TMEM63B: variants seen among roughly 807,000 people sequenced by gnomAD.
TMEM63B encodes transmembrane protein 63B.
A neutral mutation model predicts 102.6 loss-of-function variants in TMEM63B; 23 were observed. That is an observed-to-expected ratio of 0.22 (90% CI 0.16 to 0.32). The LOEUF is 0.32. Among genes scored for constraint, TMEM63B ranks in the 10% least tolerant of loss-of-function variants. The probability of loss-of-function intolerance (pLI) is 1.00; values close to 1 mark genes in which losing one functional copy is unlikely to be tolerated. For synonymous variants in TMEM63B, 444 were observed against 437.0 expected (o/e 1.02, Z -0.20); for missense variants, 628 against 1,095.9 (o/e 0.57, Z 6.03).
chr6:44,153,464 T>C (rs528389633), intron 20 of TMEM63B, among the ~76,000 whole-genome samples: 1 of 152,312 alleles, frequency 6.6e-6, no homozygotes, highest in South Asian at 2.1e-4. Flanking sequence ...ATAGTAGAAT[T>C]CCTGATGAGG....
At position 44,148,446 on chromosome 6, in the gene TMEM63B, C is replaced by T; in HGVS notation, c.1121+61C>T. On this transcript the variant is annotated intron_variant, in intron 13 of 23. Coordinates refer to ENST00000323267, the MANE Select transcript of TMEM63B (RefSeq NM_018426.3). The surrounding 1 kb of genome is among the most constrained non-coding windows in gnomAD (Gnocchi z 5.1). ...CCTCCAGGGCTCCCTGACCCCTGTG[C>T]TCATGGCCTTCTGCCAGCAGTGTGG... 1 of 1,612,840 alleles carries T rather than the reference C, an allele frequency of 6.2e-7. No homozygotes were observed. The highest frequency in any genetic ancestry group is 8.5e-7 in the Non-Finnish European group (1 of 1,179,086).
rs1765532583 is a variant in TMEM63B, at chr6:44,146,907, A to G, written c.843A>G (p.Leu281=). The change falls in exon 11 of 24, where the codon CTA becomes CTG. Residue 281 remains leucine, a synonymous_variant. Transcript: ENST00000323267. ...GCCCGTGTTACAACGTGGCTCGCCT[A>G]ATGTTCCTCGATGCAGAGAGGTAAG... The part of the protein sequence containing the change: ...EARPCYNVAR[L]MFLDAERKKA... The G allele has an allele frequency of 1.2e-6, 2 of 1,613,958 alleles. No homozygotes were observed. Among genetic ancestry groups the G allele is most frequent in the African/African-American group, 1.3e-5 (1 of 74,926 alleles).
At chr6:44,131,226 T>C (rs1178093970) in intron 1 of TMEM63B, among the ~76,000 whole-genome samples, 1 of 152,034 alleles carries the variant, frequency 6.6e-6, no homozygotes, top group Admixed American at 6.6e-5. Context: ...CACCTACTAC[T>C]ACTTTTATGC....
At chr6:44,145,253 C>T (rs1169662291) in intron 10 of TMEM63B, among the ~76,000 whole-genome samples, 2 of 138,782 alleles carry the variant, frequency 1.4e-5, no homozygotes, top group Non-Finnish European at 3.0e-5. Flanking sequence ...CCAGCCTGGG[C>T]GACAGAGCAA....
intron 1 of TMEM63B, chr6:44,132,386 G>A: frequency 2.2e-6 from 2 of 927,668 alleles, no homozygotes; most frequent in Non-Finnish European, 2.6e-6. Flanking sequence ...TCTTTGGTGT[G>A]GAGAAGACAG....
chr6:44,148,146 G>A lies in TMEM63B; in HGVS notation c.988-106G>A, dbSNP rs1765817028. ...TCCAAAAAAAAAAAAATGCTTAGAGGAGCAGTGCCTGGCTTGTAGGAAGCC... is the reference window on the plus strand; with the variant it reads ...TCCAAAAAAAAAAAAATGCTTAGAGAAGCAGTGCCTGGCTTGTAGGAAGCC... On this transcript the variant is annotated intron_variant, in intron 12 of 23. Coordinates refer to ENST00000323267, the MANE Select transcript of TMEM63B (RefSeq NM_018426.3). The surrounding 1 kb of genome is among the most constrained non-coding windows in gnomAD (Gnocchi z 5.1). The A allele has an allele frequency of 1.3e-6, 2 of 1,514,248 alleles. No homozygotes were observed. Among genetic ancestry groups the A allele is most frequent in the Non-Finnish European group, 1.8e-6 (2 of 1,127,742 alleles). 93.8% of individuals were successfully genotyped at this position (1,514,248 alleles called of 1,614,324 possible). A position where few individuals can be genotyped will look rare whatever the true frequency, so the allele number is the denominator to read the frequency against.
chr6:44,149,693 G>GCC (rs1353064386), intron 15 of TMEM63B, among the ~76,000 whole-genome samples, 166 bp from the exon 16 acceptor site: 1 of 152,134 alleles, frequency 6.6e-6, no homozygotes, highest in Non-Finnish European at 1.5e-5. Flanking sequence ...TATACATATG[G>GCC]CCCTGGCCCC....
At chr6:44,129,978 CTG>C (rs1562110785) in intron 1 of TMEM63B, among the ~76,000 whole-genome samples, 1 of 152,190 alleles carries the variant, frequency 6.6e-6, no homozygotes, top group Non-Finnish European at 1.5e-5. Flanking sequence ...ATCCTAGAGT[CTG>C]TGCTTTTAAC....
rs544151136 is a variant in TMEM63B at position 44,154,527 on chromosome 6, G to T, written c.2307+82G>T. 3.2e-5 allele frequency: 51 copies of T among 1,574,002 alleles called. No homozygotes were observed. In the Admixed American group the frequency reaches 3.6e-4, roughly 11 times the overall value. On this transcript the variant is annotated intron_variant, in intron 23 of 23. Transcript: ENST00000323267. ...TGTTCCCTTAGTCCTGCAGAAAGGGGAACCTGTGCCAGACCCCATGGGGGC... is the reference window on the plus strand; with the variant it reads ...TGTTCCCTTAGTCCTGCAGAAAGGGTAACCTGTGCCAGACCCCATGGGGGC...
intron 1 of TMEM63B, among the ~76,000 whole-genome samples, chr6:44,132,723 GCTC>G (rs58475301): frequency 0.33 from 49,509 of 151,702 alleles, 8,798 homozygotes; most frequent in East Asian, 0.5. Flanking sequence ...CAGTCACCTA[GCTC>G]CTCCTGGACA....
At chr6:44,143,304 A>T (rs1281241698) in intron 10 of TMEM63B, among the ~76,000 whole-genome samples, 1 of 152,264 alleles carries the variant, frequency 6.6e-6, no homozygotes, top group Admixed American at 6.5e-5. Flanking sequence ...AAACAAGCCC[A>T]GCCCTTATAC....
chr6:44,137,122 T>C (rs1763129248), intron 5 of TMEM63B, among the ~76,000 whole-genome samples: 1 of 152,224 alleles, frequency 6.6e-6, no homozygotes, highest in African/African-American at 2.4e-5. Context: ...GCTCGGAGGT[T>C]GCAGGTGGGT....
At chr6:44,127,547 C>T (rs1777389332), upstream of TMEM63B, 2 of 144,062 alleles carry the variant, frequency 1.4e-5, no homozygotes, top group Non-Finnish European at 3.1e-5. Context: ...CCCGCTCCCC[C>T]TCCCCCATAC....
intron 5 of TMEM63B, 136 bp from the exon 6 acceptor site, chr6:44,138,344 T>C (rs1763423179): frequency 9.2e-7 from 1 of 1,084,944 alleles, no homozygotes; most frequent in Non-Finnish European, 1.4e-6. Flanking sequence ...GTTCTGAGGG[T>C]ATAAGGATTT....
Position 44,136,334 on chromosome 6 carries a change from C to A in TMEM63B, c.279-15C>A. On this transcript the variant is annotated splice_polypyrimidine_tract_variant and intron_variant, in intron 4 of 23. Coordinates refer to ENST00000323267, the MANE Select transcript of TMEM63B (RefSeq NM_018426.3). ...CTCACCAGGCTCTCTGATCTCTCAT[C>A]TCCCTCACCCCCAGTGTGGCTTCAG... 1 of 1,612,464 alleles carries A rather than the reference C, an allele frequency of 6.2e-7. No homozygotes were observed. The highest frequency in any genetic ancestry group is 8.5e-7 in the Non-Finnish European group (1 of 1,178,562).
chr6:44,134,835 C>CT (rs3841315), intron 2 of TMEM63B, 92 bp downstream of exon 2: 829,009 of 1,541,414 alleles, frequency 0.54, 229,694 homozygotes, highest in East Asian at 0.81. Context: ...CCACCTGCCC[C>CT]GGTTTCCCAG....
rs1178527264 is a variant in TMEM63B, at chr6:44,148,607, A to G, written c.1216A>G (p.Asn406Asp). 8 of 1,614,066 alleles carry G rather than the reference A, an allele frequency of 5.0e-6. No individual in the cohort carries two copies. Among genetic ancestry groups the G allele is most frequent in the Non-Finnish European group, 6.8e-6 (8 of 1,180,046 alleles). ...SSCSESLHIS[N>D]WTVSYAPDPQ... ...CTGCAGCGAGTCCCTGCACATCTCC[A>G]ACTGGACCGTGTCCTATGCCCCTGA... is the stretch of plus-strand genomic sequence containing the variant. Residue 406 changes from asparagine to aspartate, a missense_variant, in exon 14 of 24, where the codon AAC becomes GAC. Physicochemically the swap from Asn to Asp is conservative, Grantham distance 23. Around this residue, in one of 6 missense-constraint regions of TMEM63B, gnomAD observed 336 missense variants for 580.3 expected, o/e 0.58. Coordinates refer to ENST00000323267, the MANE Select transcript of TMEM63B (RefSeq NM_018426.3). The surrounding 1 kb of genome is among the most constrained non-coding windows in gnomAD (Gnocchi z 5.1).
intron 15 of TMEM63B, chr6:44,149,309 C>G: frequency 2.7e-6 from 1 of 364,146 alleles, no homozygotes; most frequent in Non-Finnish European, 5.2e-6. Context: ...GGTGTGAAAC[C>G]CAGTGTGGAA....
In TMEM63B at chr6:44,139,461, C is replaced by T; in HGVS notation, c.408-6C>T. The T allele has an allele frequency of 6.2e-7, 1 of 1,614,116 alleles. No individual in the cohort carries two copies. Among genetic ancestry groups the T allele is most frequent in the Non-Finnish European group, 8.5e-7 (1 of 1,180,000 alleles). On this transcript the variant is annotated splice_polypyrimidine_tract_variant and splice_region_variant and intron_variant, in intron 6 of 23. Transcript: ENST00000323267. ...TAATTCCTTTGTCCAACCCGTATGG[C>T]TGCAGGGATGATGAGATCCGGGACA...
Sources: gnomAD v4.1 joint callset for allele counts (sites outside exome capture counted in the v4.1 genomes callset) on GRCh38, gnomAD v4.1.1 for gene constraint, gnomAD v4.1.1 regional missense constraint, Gnocchi (gnomAD v3.1) non-coding constraint, MANE v1.5 for transcripts, NCBI Gene and HGNC (gene_info 2026-07-23, HGNC 2026-07-21) for gene names.